The following GEMIN2 variants were observed in gnomAD, a reference collection of about 807,000 sequenced individuals.
GEMIN2 encodes the protein gem nuclear organelle associated protein 2, also known as gem-associated protein 2.
GEMIN2 carries 37 observed loss-of-function variants against 45.8 expected under a neutral mutation model. The ratio of observed to expected loss-of-function variants is 0.81; its 90% confidence interval spans 0.62 to 1.06. The LOEUF (loss-of-function observed/expected upper bound fraction) is 1.06, where lower values mean the gene tolerates loss of function less well. GEMIN2 is among the 50% of genes least tolerant of loss of function. The pLI is 0.00. For missense variants in GEMIN2, 335 were observed against 321.8 expected, an observed-to-expected ratio of 1.04 and a Z score of -0.31; for synonymous variants, 101 against 111.5, an observed-to-expected ratio of 0.91 and a Z score of 0.60.
chr14:39,133,865 C>T, intron 9 of GEMIN2, 146 bp downstream of exon 9: 1 of 477,256 alleles, frequency 2.1e-6, no homozygotes, highest in Non-Finnish European at 3.7e-6. Context: ...GCAATCACAG[C>T]TCACTAGAGC....
Position 39,136,699 on chromosome 14 carries a change from G to C in GEMIN2, c.*220G>C. On this transcript the variant is annotated 3_prime_UTR_variant, in exon 10 of 10. Coordinates refer to ENST00000308317, the MANE Select transcript of GEMIN2 (RefSeq NM_003616.3). ...CCACTCAGTTTTTGATGAACAGTTT[G>C]AACAGTTTTCTGTAATCAAGCAGCT... 2.2e-6 allele frequency: 1 copy of C among 455,480 alleles called. No individual in the cohort carries two copies. Among genetic ancestry groups the C allele is most frequent in the Admixed American group, 3.9e-5 (1 of 25,492 alleles). 28.2% of individuals were successfully genotyped at this position (455,480 alleles called of 1,614,324 possible).
intron 1 of GEMIN2, 127 bp from the exon 2 acceptor site, chr14:39,114,702 A>G: frequency 3.0e-6 from 2 of 671,818 alleles, no homozygotes; most frequent in Non-Finnish European, 5.3e-6. Context: ...ATTGTTTAGT[A>G]CCTCAATTGG....
At chr14:39,133,087 ACAG>A (rs1262047673) in intron 8 of GEMIN2, among the ~76,000 whole-genome samples, 12 of 128,964 alleles carry the variant, frequency 9.3e-5, no homozygotes, top group Non-Finnish European at 5.3e-5. Context: ...ATATATAAGA[ACAG>A]TAAGAATCCT....
At chr14:39,123,036 C>T (rs34417819) in intron 5 of GEMIN2, among the ~76,000 whole-genome samples, 20,121 of 152,044 alleles carry the variant, frequency 0.13, 1,384 homozygotes, top group Middle Eastern at 0.17. Flanking sequence ...ACATCTATCA[C>T]TTCATGGGCC....
chr14:39,127,641 C>A (rs2052661417), intron 6 of GEMIN2, among the ~76,000 whole-genome samples: 1 of 152,032 alleles, frequency 6.6e-6, no homozygotes, highest in Admixed American at 6.6e-5. Context: ...AGCCTGGCCA[C>A]AAATACATTT....
chr14:39,136,057 C>T (rs1395141435), intron 9 of GEMIN2, among the ~76,000 whole-genome samples: 1 of 152,140 alleles, frequency 6.6e-6, no homozygotes, highest in Non-Finnish European at 1.5e-5. Flanking sequence ...CATGCCACTG[C>T]ACTCCAGCCT....
At chr14:39,122,648 C>T in intron 5 of GEMIN2, 105 bp downstream of exon 5, 1 of 555,604 alleles carries the variant, frequency 1.8e-6, no homozygotes, top group Non-Finnish European at 3.2e-6. Context: ...CAGTTCATGG[C>T]CTTTTTTATA....
rs776830410 is a variant in GEMIN2 at position 39,114,338 on chromosome 14, C to T, written c.-1C>T. On this transcript the variant is annotated 5_prime_UTR_variant, in exon 1 of 10. Coordinates refer to ENST00000308317, the MANE Select transcript of GEMIN2 (RefSeq NM_003616.3). ...GAGCGGAACTGGCTGGTTTGAAAAC[C>T]ATGGCGTGGGTACCAGCGGAGTCCG... 9 of 1,613,862 alleles carry T rather than the reference C, an allele frequency of 5.6e-6. No homozygotes were observed. The highest frequency in any genetic ancestry group is 3.3e-5 in the Admixed American group (2 of 59,984).
chr14:39,116,763 T>C (rs2052513408), intron 2 of GEMIN2, among the ~76,000 whole-genome samples: 1 of 152,090 alleles, frequency 6.6e-6, no homozygotes, highest in Admixed American at 6.6e-5. Context: ...GATTGATTGA[T>C]TGATTGAGAC....
chr14:39,135,525 G>T (rs1594523510), intron 9 of GEMIN2, among the ~76,000 whole-genome samples: 1 of 151,962 alleles, frequency 6.6e-6, no homozygotes, highest in South Asian at 2.1e-4. Context: ...GGTGGAGGTT[G>T]CAGTGAGCTG....
intron 7 of GEMIN2, 125 bp from the exon 8 acceptor site, chr14:39,131,833 A>G (rs1382435050): frequency 1.3e-5 from 8 of 593,036 alleles, no homozygotes; most frequent in Admixed American, 3.1e-5. Flanking sequence ...ATACCCAAAC[A>G]TAATATAGTT....
At chr14:39,131,895 T>C in intron 7 of GEMIN2, 63 bp from the exon 8 acceptor site, 2 of 797,480 alleles carry the variant, frequency 2.5e-6, no homozygotes, top group East Asian at 4.9e-5. Flanking sequence ...ACATTGGACA[T>C]TTAAAAAATA....
chr14:39,114,647 G>A (rs1201089488), intron 1 of GEMIN2, among the ~76,000 whole-genome samples, 172 bp downstream of exon 1: 1 of 152,200 alleles, frequency 6.6e-6, no homozygotes, highest in Non-Finnish European at 1.5e-5. Context: ...GTATCAAGAT[G>A]TGTGCTCTTA....
Position 39,114,331 on chromosome 14 carries a change from T to G in GEMIN2, c.-8T>G. The G allele has an allele frequency of 6.2e-7, 1 of 1,613,978 alleles. No homozygotes were observed. Among genetic ancestry groups the G allele is most frequent in the South Asian group, 1.1e-5 (1 of 91,056 alleles). Reference sequence around the variant, plus strand: ...ATGCGCCGAGCGGAACTGGCTGGTTTGAAAACCATGGCGTGGGTACCAGCG... The same window carrying G: ...ATGCGCCGAGCGGAACTGGCTGGTTGGAAAACCATGGCGTGGGTACCAGCG... On this transcript the variant is annotated 5_prime_UTR_variant, in exon 1 of 10. Coordinates refer to ENST00000308317, the MANE Select transcript of GEMIN2 (RefSeq NM_003616.3).
Position 39,133,714 on chromosome 14 carries a change from T to C in GEMIN2, c.765T>C (p.Val255=). 1 of 1,505,002 alleles carries C rather than the reference T, an allele frequency of 6.6e-7. No individual in the cohort carries two copies. Among genetic ancestry groups the C allele is most frequent in the Non-Finnish European group, 9.1e-7 (1 of 1,101,290 alleles). The allele number at this position is 1,505,002 out of a possible 1,614,324, so 93.2% of individuals were successfully genotyped here. Reference sequence around the variant, plus strand: ...CTTTGAATTTATTAATCTGCTTGGTTAGCAGGTATAGTTAATCCTTGGCTT... The same window carrying C: ...CTTTGAATTTATTAATCTGCTTGGTCAGCAGGTATAGTTAATCCTTGGCTT... ...VPALNLLICL[V]SRYFDQRDLA... Residue 255 remains valine (V), a synonymous_variant, in exon 9 of 10, where the codon GTT becomes GTC. Coordinates refer to ENST00000308317, the MANE Select transcript of GEMIN2 (RefSeq NM_003616.3).
intron 9 of GEMIN2, chr14:39,133,978 T>C (rs2052753114): frequency 4.5e-6 from 1 of 222,664 alleles, no homozygotes; most frequent in Admixed American, 5.8e-5. Flanking sequence ...AAATTGTTCG[T>C]AGAGACAGGG....
In GEMIN2 at chr14:39,133,841, T is replaced by A. The variant is rs1213062592; in HGVS notation, c.770+122T>A. On this transcript the variant is annotated intron_variant, in intron 9 of 9. Transcript: ENST00000308317. ...TTGAGTCTCACTCTGTTGCTATAGT[T>A]AGGGTGCAGTGGCGCAATCACAGCT... The A allele has an allele frequency of 1.3e-5, 7 of 546,144 alleles. No individual in the cohort carries two copies. The highest frequency in any genetic ancestry group is 2.2e-5 in the Non-Finnish European group (7 of 312,822). The allele number at this position is 546,144 out of a possible 1,614,324, so 33.8% of individuals were successfully genotyped here. A position where few individuals can be genotyped will look rare whatever the true frequency, so the allele number is the denominator to read the frequency against.
In GEMIN2 at chr14:39,136,594, T is replaced by C. The variant is rs2052784936; in HGVS notation, c.*115T>C. ...CACATCTTCAACACTATGTGAAGGG[T>C]TCACATCTTAACCTGTGCAATTCAG... is the stretch of plus-strand genomic sequence containing the variant. On this transcript the variant is annotated 3_prime_UTR_variant, in exon 10 of 10. Coordinates refer to ENST00000308317, the MANE Select transcript of GEMIN2 (RefSeq NM_003616.3). 2.5e-6 allele frequency: 2 copies of C among 804,806 alleles called. No individual in the cohort carries two copies. Among genetic ancestry groups the C allele is most frequent in the Non-Finnish European group, 4.3e-6 (2 of 466,816 alleles). 49.9% of individuals were successfully genotyped at this position (804,806 alleles called of 1,614,324 possible).
At position 39,114,921 on chromosome 14, in the gene GEMIN2, T is replaced by C; in HGVS notation, c.222+8T>C. The stretch of plus-strand genomic sequence containing the variant: ...CAAAGTGTGAATATTTCTGTGAGTT[T>C]TATTAACCGTCTGGAGATTACCCCC... On this transcript the variant is annotated splice_region_variant and intron_variant, in intron 2 of 9. Transcript: ENST00000308317. The C allele has an allele frequency of 7.4e-7, 1 of 1,344,094 alleles. No individual in the cohort carries two copies. Among genetic ancestry groups the C allele is most frequent in the Non-Finnish European group, 1.1e-6 (1 of 933,432 alleles). 83.3% of individuals were successfully genotyped at this position (1,344,094 alleles called of 1,614,324 possible). A position where few individuals can be genotyped will look rare whatever the true frequency, so the allele number is the denominator to read the frequency against.
Sources: gnomAD v4.1 joint callset for allele counts (sites outside exome capture counted in the v4.1 genomes callset) on GRCh38, gnomAD v4.1.1 for gene constraint, MANE v1.5 for transcripts, NCBI Gene and HGNC (gene_info 2026-07-23, HGNC 2026-07-21) for gene names.